Variants in NMI observed in about 807,000 individuals in gnomAD.
NMI encodes the protein N-myc and STAT interactor.
Under a neutral mutation model 34.3 loss-of-function variants are expected in NMI, and 39 were observed. The observed-to-expected ratio is 1.14, with a 90% CI of 0.88 to 1.49. The LOEUF (loss-of-function observed/expected upper bound fraction) is 1.49, where lower values mean the gene tolerates loss of function less well. Among genes scored for constraint, NMI ranks in the 40% most tolerant of loss-of-function variants. The pLI, the probability that NMI is intolerant of heterozygous loss-of-function variation, is 0.00. For synonymous variants in NMI, 113 were observed against 120.3 expected, an observed-to-expected ratio of 0.94 and a Z score of 0.40; for missense variants, 339 against 358.1, an observed-to-expected ratio of 0.95 and a Z score of 0.43.
intron 4 of NMI, 64 bp downstream of exon 4, chr2:151,278,764 T>G (rs762507293): frequency 1.6e-6 from 2 of 1,238,242 alleles, no homozygotes; most frequent in African/African-American, 1.5e-5. Flanking sequence ...AGCGAAGTAA[T>G]AGCTAAATGT....
chr2:151,281,655 TG>T (rs1683407441), intron 3 of NMI, among the ~76,000 whole-genome samples: 1 of 152,168 alleles, frequency 6.6e-6, no homozygotes, highest in South Asian at 2.1e-4. Flanking sequence ...TGCCCTCTTC[TG>T]TCTTTTTTGT....
intron 4 of NMI, among the ~76,000 whole-genome samples, chr2:151,276,925 A>T (rs1683301241): frequency 6.6e-6 from 1 of 152,250 alleles, no homozygotes. Context: ...GTTTAGTAAA[A>T]TGCTAAAAAT....
chr2:151,275,823 T>A lies in NMI; in HGVS notation c.382A>T (p.Ile128Leu), dbSNP rs764857882. 3.7e-6 allele frequency: 6 copies of A among 1,613,084 alleles called. No individual in the cohort carries two copies. Among genetic ancestry groups the A allele is most frequent in the Non-Finnish European group, 5.1e-6 (6 of 1,179,344 alleles). The change falls in exon 5 of 8, where the codon ATA becomes TTA. Residue 128 changes from isoleucine to leucine, a missense_variant. Coordinates refer to ENST00000243346, the MANE Select transcript of NMI (RefSeq NM_004688.3). ...VVSMSKHHVQIKDVNLEVTAK... is the reference protein window; with the variant it reads ...VVSMSKHHVQLKDVNLEVTAK... ...GTAACCTCCAGATTTACATCTTTTATCTGTACATGATGTTTACTCATGCTT... is the reference window on the plus strand; with the variant it reads ...GTAACCTCCAGATTTACATCTTTTAACTGTACATGATGTTTACTCATGCTT...
chr2:151,277,638 T>C (rs972383873), intron 4 of NMI: 1 of 152,230 alleles, frequency 6.6e-6, no homozygotes, highest in Non-Finnish European at 1.5e-5. Flanking sequence ...GTCGCCAGTA[T>C]GAGTCCTGGA....
chr2:151,279,036 C>G, intron 3 of NMI, 46 bp from the exon 4 acceptor site: 1 of 1,286,124 alleles, frequency 7.8e-7, no homozygotes, highest in Non-Finnish European at 1.1e-6. Flanking sequence ...CGAGAAATAA[C>G]TTAAGTCCTT....
intron 1 of NMI, chr2:151,288,960 A>T (rs1163111647): frequency 6.6e-6 from 1 of 152,462 alleles, no homozygotes; most frequent in Non-Finnish European, 1.5e-5. Context: ...GAAAACAGCG[A>T]GGGCCGGGCG....
intron 1 of NMI, chr2:151,288,934 TC>T: frequency 6.6e-6 from 1 of 152,330 alleles, no homozygotes; most frequent in Non-Finnish European, 1.5e-5. Context: ...AAGGACTATC[TC>T]CAGAGACACT....
chr2:151,280,353 AAC>A (rs958711180), intron 3 of NMI, among the ~76,000 whole-genome samples: 2 of 152,250 alleles, frequency 1.3e-5, no homozygotes, highest in African/African-American at 4.8e-5. Context: ...TGCTGAAAAT[AAC>A]ACAGAGATTA....
intron 2 of NMI, 49 bp from the exon 3 acceptor site, chr2:151,282,092 AT>A: frequency 1.3e-6 from 1 of 799,568 alleles, no homozygotes; most frequent in Non-Finnish European, 2.1e-6. Flanking sequence ...CCCTGAACTC[AT>A]TTTTCCGAAT....
At chr2:151,274,004 C>T (rs1245555975) in intron 6 of NMI, among the ~76,000 whole-genome samples, 2 of 152,122 alleles carry the variant, frequency 1.3e-5, no homozygotes, top group African/African-American at 2.4e-5. Context: ...CTCCCTGACA[C>T]ATCCCACCAG....
intron 4 of NMI, 64 bp downstream of exon 4, chr2:151,278,764 T>C (rs762507293): frequency 9.1e-5 from 113 of 1,238,242 alleles, no homozygotes; most frequent in Non-Finnish European, 1.3e-4. Context: ...AGCGAAGTAA[T>C]AGCTAAATGT....
At chr2:151,279,631 C>T (rs1683352893) in intron 3 of NMI, among the ~76,000 whole-genome samples, 1 of 152,018 alleles carries the variant, frequency 6.6e-6, no homozygotes. Context: ...CATGCGCTAC[C>T]ACACCGAGCT....
chr2:151,282,233 C>T (rs1035417972), intron 2 of NMI, among the ~76,000 whole-genome samples, 190 bp from the exon 3 acceptor site: 3 of 152,112 alleles, frequency 2.0e-5, no homozygotes, highest in African/African-American at 7.2e-5. Flanking sequence ...TCTAACATTG[C>T]CAAGTAGTAC....
At position 151,283,343 on chromosome 2, in the gene NMI, T is replaced by C. The variant is rs529902559; in HGVS notation, c.-6-389A>G. ...TTTTAGTAGAGATGGGGTTTCACCA[T>C]GTCGGTCAGGCTGGTCTTGAACTCT... On this transcript the variant is annotated intron_variant, in intron 1 of 7. Coordinates refer to ENST00000243346, the MANE Select transcript of NMI (RefSeq NM_004688.3). Among the ~76,000 whole-genome samples, 646 of 152,236 alleles carry C rather than the reference T, an allele frequency of 4.2e-3. 5 individuals carry two copies. Among genetic ancestry groups the C allele is most frequent in the African/African-American group, 0.015 (620 of 41,538 alleles).
At chr2:151,273,060 AC>A (rs1366193328) in intron 6 of NMI, among the ~76,000 whole-genome samples, 1 of 152,046 alleles carries the variant, frequency 6.6e-6, no homozygotes, top group Non-Finnish European at 1.5e-5. Context: ...CTTGAATTGT[AC>A]ATTTAAAAAT....
chr2:151,275,286 T>C (rs1225096148), intron 6 of NMI, among the ~76,000 whole-genome samples, 198 bp downstream of exon 6: 1 of 152,182 alleles, frequency 6.6e-6, no homozygotes, highest in Non-Finnish European at 1.5e-5. Context: ...CCCTGCCTAT[T>C]TGTAGCAATA....
chr2:151,279,918 T>C (rs1233727350), intron 3 of NMI, among the ~76,000 whole-genome samples: 1 of 151,990 alleles, frequency 6.6e-6, no homozygotes, highest in Non-Finnish European at 1.5e-5. Context: ...AAGCTGAGGC[T>C]ACACAGGTGG....
intron 1 of NMI, among the ~76,000 whole-genome samples, chr2:151,287,810 T>A (rs1683531622): frequency 6.6e-6 from 1 of 152,216 alleles, no homozygotes; most frequent in South Asian, 2.1e-4. Flanking sequence ...GCTTACACAC[T>A]GAAAACACTC....
intron 4 of NMI, among the ~76,000 whole-genome samples, chr2:151,276,631 T>C (rs904417856): frequency 2.0e-5 from 3 of 152,194 alleles, no homozygotes; most frequent in Admixed American, 6.5e-5. Flanking sequence ...CTAAGTGTCA[T>C]TTGTACAATT....
Sources: allele counts gnomAD v4.1 joint callset (sites outside exome capture counted in the v4.1 genomes callset), GRCh38; gene constraint gnomAD v4.1.1; transcripts MANE v1.5; gene names NCBI Gene and HGNC (gene_info 2026-07-23, HGNC 2026-07-21).